DNAJB1: variants seen among roughly 807,000 people sequenced by gnomAD.
DNAJB1 encodes DnaJ heat shock protein family (Hsp40) member B1, also known as dnaJ homolog subfamily B member 1.
A neutral mutation model predicts 24.0 loss-of-function variants in DNAJB1; 14 were observed. The ratio of observed to expected loss-of-function variants is 0.58; its 90% confidence interval spans 0.39 to 0.91. The LOEUF is 0.91. DNAJB1 is among the 40% of genes least tolerant of loss of function. The pLI is 0.00. For missense variants in DNAJB1, 517 were observed against 458.1 expected (o/e 1.13, Z -1.17); for synonymous variants, 262 against 174.4 (o/e 1.50, Z -3.96).
upstream of DNAJB1, chr19:14,529,479 T>A (rs996841773): frequency 1.5e-6 from 1 of 683,862 alleles, no homozygotes; most frequent in Non-Finnish European, 2.7e-6. Flanking sequence ...CTGGTGCTAG[T>A]CCTAGTCTTG....
intron 1 of DNAJB1, among the ~76,000 whole-genome samples, chr19:14,543,656 T>C (rs1428956159): frequency 6.7e-6 from 1 of 150,306 alleles, no homozygotes; most frequent in Non-Finnish European, 1.5e-5. Context: ...GCCAGGATGG[T>C]CTCGATCTCC....
rs2072316190 is a variant in DNAJB1 at position 14,518,372 on chromosome 19, A to G, written c.-23T>C. 3.3e-6 allele frequency: 5 copies of G among 1,528,278 alleles called. No homozygotes were observed. The highest frequency in any genetic ancestry group is 3.5e-6 in the Non-Finnish European group (4 of 1,147,800). The allele number at this position is 1,528,278 out of a possible 1,614,324, so 94.7% of individuals were successfully genotyped here. On this transcript the variant is annotated 5_prime_UTR_variant, in exon 1 of 3. Coordinates refer to ENST00000254322, the MANE Select transcript of DNAJB1 (RefSeq NM_006145.3). ...CATGACCCCCTCCTGCGGCCCGCCG[A>G]CCCGCTGTCGCCGTCCCCCGGCTCC... is the stretch of plus-strand genomic sequence containing the variant.
At chr19:14,546,654 T>G (rs934118217) in intron 1 of DNAJB1, among the ~76,000 whole-genome samples, 15 of 152,306 alleles carry the variant, frequency 9.8e-5, no homozygotes, top group Middle Eastern at 3.4e-3. Flanking sequence ...GCTTAGAACC[T>G]TTGGTCACTG....
upstream of DNAJB1, among the ~76,000 whole-genome samples, chr19:14,554,349 G>A (rs2073644458): frequency 6.6e-6 from 1 of 152,178 alleles, no homozygotes; most frequent in East Asian, 1.9e-4. Flanking sequence ...AGGTTCATAA[G>A]CCATGGGAGA....
chr19:14,534,367 G>T (rs1041184193), upstream of DNAJB1, among the ~76,000 whole-genome samples: 3 of 136,688 alleles, frequency 2.2e-5, no homozygotes, highest in East Asian at 4.4e-4. Flanking sequence ...CTTATGATCC[G>T]CCCGCCTCGG....
chr19:14,519,792 C>T (rs554594083), upstream of DNAJB1, among the ~76,000 whole-genome samples: 95 of 152,322 alleles, frequency 6.2e-4, 2 homozygotes, highest in South Asian at 0.02. Context: ...GTGTGTCACA[C>T]ACCTTTCAAG....
At position 14,517,047 on chromosome 19, in the gene DNAJB1, C is replaced by T; in HGVS notation, c.212-1G>A. The stretch of plus-strand genomic sequence containing the variant: ...CCACTGGGGCCACTCCCCTTTAGGC[C>T]TGAAAAGCAGATTTAGAAGCAGTCA... On this transcript the variant is annotated splice_acceptor_variant, in intron 1 of 2. Coordinates refer to ENST00000254322, the MANE Select transcript of DNAJB1 (RefSeq NM_006145.3). LOFTEE classifies it high-confidence loss of function. 1.2e-6 allele frequency: 2 copies of T among 1,601,950 alleles called. No homozygotes were observed. The highest frequency in any genetic ancestry group is 1.7e-6 in the Non-Finnish European group (2 of 1,174,022).
At position 14,550,067 on chromosome 19, in the gene DNAJB1, T is replaced by C. The variant is rs747790621; in HGVS notation, c.-214+141A>G. 3.9e-5 allele frequency among the ~76,000 whole-genome samples: 6 copies of C among 152,100 alleles called. No homozygotes were observed. In the East Asian group the frequency reaches 1.2e-3, roughly 29 times the overall value. ...TTTGAACATATTACATATAGCGATTTATTTCATTGTCACTCTTTCTTTGCC... is the reference window on the plus strand; with the variant it reads ...TTTGAACATATTACATATAGCGATTCATTTCATTGTCACTCTTTCTTTGCC... On this transcript the variant is annotated intron_variant, in intron 1 of 3. Coordinates refer to the DNAJB1 transcript ENST00000676982.
upstream of DNAJB1, chr19:14,518,514 C>T: frequency 2.0e-6 from 1 of 507,686 alleles, no homozygotes; most frequent in African/African-American, 2.0e-5. Context: ...ATCGCCGCCG[C>T]CCTTTCAGCG....
chr19:14,535,584 ATATATG>A (rs1555729580), intron 1 of DNAJB1, among the ~76,000 whole-genome samples: 12 of 38,598 alleles, frequency 3.1e-4, no homozygotes, highest in African/African-American at 1.0e-3. Context: ...ATATATATAT[ATATATG>A]TATGTATATA....
Position 14,518,184 on chromosome 19 carries a change from T to C in DNAJB1, c.166A>G (p.Ser56Gly), listed in dbSNP as rs1483970108. Residue 56 changes from serine (S) to glycine (G), a missense_variant, in exon 1 of 3, where the codon AGC becomes GGC. By Grantham distance (56) the Ser-to-Gly change is moderately conservative. Coordinates refer to ENST00000254322, the MANE Select transcript of DNAJB1 (RefSeq NM_006145.3). Reference protein sequence around the residue: ...KEIAEAYDVLSDPRKREIFDR... With the variant: ...KEIAEAYDVLGDPRKREIFDR... ...AAGATCTCGCGCTTGCGCGGGTCGC[T>C]GAGCACGTCGTAGGCCTCAGCGATC... 1.3e-6 allele frequency: 2 copies of C among 1,595,058 alleles called. No individual in the cohort carries two copies. Among genetic ancestry groups the C allele is most frequent in the African/African-American group, 1.4e-5 (1 of 73,524 alleles).
chr19:14,527,443 G>C (rs1053814933), intron 2 of DNAJB1: 1 of 152,178 alleles, frequency 6.6e-6, no homozygotes, highest in Admixed American at 6.6e-5. Flanking sequence ...GCCTCCCAAA[G>C]TGCTGGGATT....
At chr19:14,550,535 T>C (rs1457804284), upstream of DNAJB1, among the ~76,000 whole-genome samples, 2 of 152,124 alleles carry the variant, frequency 1.3e-5, no homozygotes, top group African/African-American at 4.8e-5. Context: ...GAGACCCAGG[T>C]GTCGTCCCCA....
chr19:14,535,537 A>AT (rs2072846069), intron 1 of DNAJB1, among the ~76,000 whole-genome samples: 1 of 47,406 alleles, frequency 2.1e-5, no homozygotes, highest in African/African-American at 1.0e-4. Context: ...AAAAAAAAAA[A>AT]AAAAAAATAT....
At chr19:14,552,014 G>A (rs182088249), upstream of DNAJB1, among the ~76,000 whole-genome samples, 2,850 of 119,800 alleles carry the variant, frequency 0.024, 47 homozygotes, top group Non-Finnish European at 0.025. Context: ...TCGCTCTGTC[G>A]CCCAGGCTGG....
Position 14,515,917 on chromosome 19 carries a change from C to A in DNAJB1, c.*23G>T. 2 of 1,602,876 alleles carry A rather than the reference C, an allele frequency of 1.2e-6. No homozygotes were observed. The highest frequency in any genetic ancestry group is 1.1e-5 in the South Asian group (1 of 90,084). ...CTTGAGCTCTGGAAAGGTCCCTGGT[C>A]AGTCCTTGGGGAGCTCAGATAGCTA... On this transcript the variant is annotated 3_prime_UTR_variant, in exon 3 of 3. Transcript: ENST00000254322.
At chr19:14,520,444 TA>T (rs1324581263), upstream of DNAJB1, among the ~76,000 whole-genome samples, 2 of 151,728 alleles carry the variant, frequency 1.3e-5, no homozygotes, top group African/African-American at 4.8e-5. Context: ...AGCCTCCCCA[TA>T]AAAAAGTTAC....
rs2072308291 is a variant in DNAJB1 at position 14,518,110 on chromosome 19, G to A, written c.211+29C>T. The A allele has an allele frequency of 6.9e-6, 10 of 1,450,108 alleles. 1 individual carries two copies. The Middle Eastern group carries it at 5.5e-4, about 80-fold the overall frequency. 89.8% of individuals were successfully genotyped at this position (1,450,108 alleles called of 1,614,324 possible). On this transcript the variant is annotated intron_variant, in intron 1 of 2. Transcript: ENST00000254322. ...CAGTTTCCCTGTCTGTCAAAAGGCGGGGCCGCGCCCCTGGCCGCGAGCACA... is the reference window on the plus strand; with the variant it reads ...CAGTTTCCCTGTCTGTCAAAAGGCGAGGCCGCGCCCCTGGCCGCGAGCACA...
At chr19:14,557,053 C>T (rs1370684447) in intron 1 of DNAJB1, among the ~76,000 whole-genome samples, 1 of 152,172 alleles carries the variant, frequency 6.6e-6, no homozygotes, top group African/African-American at 2.4e-5. Context: ...GCCTGTGGAT[C>T]CTGCCAGGGT....
Sources: gnomAD v4.1 joint callset for allele counts (sites outside exome capture counted in the v4.1 genomes callset) on GRCh38, gnomAD v4.1.1 for gene constraint, MANE v1.5 for transcripts, NCBI Gene and HGNC (gene_info 2026-07-23, HGNC 2026-07-21) for gene names.